The following GAL3ST1 variants were observed in gnomAD, a reference collection of about 807,000 sequenced individuals.
GAL3ST1 encodes galactosylceramide sulfotransferase.
Under a neutral mutation model 25.0 loss-of-function variants are expected in GAL3ST1, and 13 were observed. The ratio of observed to expected loss-of-function variants is 0.52; its 90% CI spans 0.34 to 0.83. The LOEUF (loss-of-function observed/expected upper bound fraction) is 0.83, where lower values mean the gene tolerates loss of function less well. Ranked by LOEUF, GAL3ST1 falls within the 40% of genes least tolerant of loss-of-function variation. The pLI, the probability that GAL3ST1 is intolerant of heterozygous loss-of-function variation, is 0.02. For synonymous variants in GAL3ST1, 274 were observed against 277.8 expected (o/e 0.99, Z 0.14); for missense variants, 474 against 613.6 (o/e 0.77, Z 2.40).
intron 1 of GAL3ST1, among the ~76,000 whole-genome samples, chr22:30,564,649 A>G (rs1269877938): frequency 1.3e-5 from 2 of 152,224 alleles, no homozygotes; most frequent in African/African-American, 4.8e-5. Context: ...GTTTAGCTGA[A>G]CTGATGCCCT....
chr22:30,572,972 GA>G (rs1194597277), intron 1 of GAL3ST1: 1 of 152,230 alleles, frequency 6.6e-6, no homozygotes, highest in Non-Finnish European at 1.5e-5. Flanking sequence ...CTTGCTGGGC[GA>G]CAAGAGGGCA....
In GAL3ST1 at chr22:30,555,793, G is replaced by C. The variant is rs1333017467; in HGVS notation, c.432C>G (p.Phe144Leu). 1.9e-6 allele frequency: 3 copies of C among 1,614,176 alleles called. No individual in the cohort carries two copies. The highest frequency in any genetic ancestry group is 2.7e-5 in the African/African-American group (2 of 75,064). The change falls in exon 4 of 4, where the codon TTC (phenylalanine) becomes TTG (leucine). Residue 144 changes from phenylalanine (F) to leucine (L), a missense_variant. Around this residue, in one of 2 missense-constraint regions of GAL3ST1, gnomAD observed 359 missense variants for 504.4 expected, o/e 0.71. Coordinates refer to ENST00000406361, the MANE Select transcript of GAL3ST1 (RefSeq NM_001318104.2). The surrounding 1 kb of genome is among the most constrained non-coding windows in gnomAD (Gnocchi z 8.6). ...CFNIICNHMRFHYDEVRGLVP... is the reference protein window; with the variant it reads ...CFNIICNHMRLHYDEVRGLVP... ...CCAGGCCGCGCACCTCGTCGTAGTG[G>C]AAGCGCATGTGGTTGCAGATGATGT...
chr22:30,571,713 A>T (rs1435713589), intron 1 of GAL3ST1, among the ~76,000 whole-genome samples: 1 of 152,132 alleles, frequency 6.6e-6, no homozygotes, highest in Admixed American at 6.5e-5. Flanking sequence ...ATTATAAAAA[A>T]ATTAGCCAGG....
Position 30,574,534 on chromosome 22 carries a change from G to T in GAL3ST1, c.-188C>A. 6.8e-6 allele frequency: 1 copy of T among 147,898 alleles called. No homozygotes were observed. The highest frequency in any genetic ancestry group is 2.0e-4 in the South Asian group (1 of 4,970). The allele number at this position is 147,898 out of a possible 1,614,324, so 9.2% of individuals were successfully genotyped here. ...GGGCCGCGCCGCCCGGGCGCTCACT[G>T]GGCGGCGGGGCGCACCCGGCCGGGC... On this transcript the variant is annotated 5_prime_UTR_variant, in exon 1 of 4. Coordinates refer to ENST00000406361, the MANE Select transcript of GAL3ST1 (RefSeq NM_001318104.2).
In GAL3ST1 at chr22:30,555,379, G is replaced by T. The variant is rs1372274790; in HGVS notation, c.846C>A (p.Arg282=). 1 of 1,608,412 alleles carries T rather than the reference G, an allele frequency of 6.2e-7. No homozygotes were observed. The highest frequency in any genetic ancestry group is 8.5e-7 in the Non-Finnish European group (1 of 1,179,782). ...DVLYFKLNAR[R]DSPVPRLSGE... is the part of the protein sequence containing the mutation. ...CCGAGAGCCGCGGCACGGGCGAGTC[G>T]CGGCGGGCGTTGAGCTTGAAGTAGA... Residue 282 remains arginine, a synonymous_variant, in exon 4 of 4, where the codon CGC becomes CGA. Transcript: ENST00000406361. This position sits in a 1 kb window ranked among gnomAD's most constrained non-coding sequence, Gnocchi z 8.6.
chr22:30,572,340 C>T (rs1601991309), intron 1 of GAL3ST1, among the ~76,000 whole-genome samples: 1 of 152,196 alleles, frequency 6.6e-6, no homozygotes, highest in Non-Finnish European at 1.5e-5. Flanking sequence ...TACATACACC[C>T]ACCTCTCCAT....
chr22:30,555,776 C>T lies in GAL3ST1; in HGVS notation c.449G>A (p.Arg150His), dbSNP rs1438236258. 2 of 1,614,118 alleles carry T rather than the reference C, an allele frequency of 1.2e-6. No individual in the cohort carries two copies. Among genetic ancestry groups the T allele is most frequent in the African/African-American group, 1.3e-5 (1 of 75,048 alleles). Residue 150 changes from arginine to histidine, a missense_variant, in exon 4 of 4, where the codon CGC (arginine) becomes CAC (histidine). Around this residue, in one of 2 missense-constraint regions of GAL3ST1, gnomAD observed 359 missense variants for 504.4 expected, o/e 0.71. Transcript: ENST00000406361. This position sits in a 1 kb window ranked among gnomAD's most constrained non-coding sequence, Gnocchi z 8.6. ...GATGGCGTTGGTCGGCACCAGGCCG[C>T]GCACCTCGTCGTAGTGGAAGCGCAT... ...NHMRFHYDEVRGLVPTNAIFI... is the reference protein window; with the variant it reads ...NHMRFHYDEVHGLVPTNAIFI...
In GAL3ST1 at chr22:30,557,293, C is replaced by T. The variant is rs55674628; in HGVS notation, c.100G>A (p.Val34Met). Residue 34 changes from valine to methionine, a missense_variant, in exon 3 of 4, where the codon GTG becomes ATG. Val to Met is a conservative substitution (Grantham distance 21, BLOSUM62 1). This residue lies in a region of GAL3ST1 where 115 missense variants were observed against 109.2 expected (regional missense o/e 1.05). Transcript: ENST00000406361. ...SFLLLVYSYA[V>M]PPLHAGLAST... is the part of the protein sequence containing the mutation. ...GCCAGGCCGGCATGCAGCGGGGGCA[C>T]GGCATAGGAGTACACCAGCAGCAGG... The T allele has an allele frequency of 0.021, 33,158 of 1,614,106 alleles. 510 individuals carry two copies. The highest frequency in any genetic ancestry group is 0.058 in the Middle Eastern group (349 of 6,062).
chr22:30,572,199 T>A (rs1412883056), intron 1 of GAL3ST1, among the ~76,000 whole-genome samples: 1 of 152,232 alleles, frequency 6.6e-6, no homozygotes, highest in African/African-American at 2.4e-5. Flanking sequence ...GTTGATAATA[T>A]CAGTCTCTGT....
chr22:30,565,760 C>T (rs2086601118), intron 1 of GAL3ST1, among the ~76,000 whole-genome samples: 1 of 152,122 alleles, frequency 6.6e-6, no homozygotes, highest in Admixed American at 6.5e-5. Context: ...CCCCAGGAAC[C>T]CTAGGACTCA....
chr22:30,555,379 G>A lies in GAL3ST1; in HGVS notation c.846C>T (p.Arg282=). The change falls in exon 4 of 4, where the codon CGC becomes CGT. Residue 282 remains arginine, a synonymous_variant. Transcript: ENST00000406361. This position sits in a 1 kb window ranked among gnomAD's most constrained non-coding sequence, Gnocchi z 8.6. ...DVLYFKLNAR[R]DSPVPRLSGE... is the part of the protein sequence containing the mutation. ...CCGAGAGCCGCGGCACGGGCGAGTC[G>A]CGGCGGGCGTTGAGCTTGAAGTAGA... The A allele has an allele frequency of 6.2e-7, 1 of 1,608,412 alleles. No homozygotes were observed.
intron 1 of GAL3ST1, among the ~76,000 whole-genome samples, chr22:30,559,281 G>A (rs919643997): frequency 4.6e-5 from 7 of 151,716 alleles, no homozygotes; most frequent in Non-Finnish European, 5.9e-5. Flanking sequence ...TCGCTCTGTC[G>A]CCAGGCTGGA....
chr22:30,559,358 A>G (rs1026683065), intron 1 of GAL3ST1, among the ~76,000 whole-genome samples: 1 of 151,858 alleles, frequency 6.6e-6, no homozygotes, highest in Non-Finnish European at 1.5e-5. Flanking sequence ...CTCCTGCCTC[A>G]GCCTCCCAAG....
intron 1 of GAL3ST1, among the ~76,000 whole-genome samples, chr22:30,568,366 A>G (rs2086685422): frequency 6.6e-6 from 1 of 152,190 alleles, no homozygotes; most frequent in Non-Finnish European, 1.5e-5. Flanking sequence ...GTCCTGGCCA[A>G]TGATATGTGA....
rs1318029716 is a variant in GAL3ST1 at position 30,555,561 on chromosome 22, G to C, written c.664C>G (p.Leu222Val). 1 of 1,613,514 alleles carries C rather than the reference G, an allele frequency of 6.2e-7. No homozygotes were observed. The highest frequency in any genetic ancestry group is 8.5e-7 in the Non-Finnish European group (1 of 1,180,042). The change falls in exon 4 of 4, where the codon CTG becomes GTG. Residue 222 changes from leucine to valine, a missense_variant. Physicochemically the swap from Leu to Val is conservative, Grantham distance 32. Around this residue, in one of 2 missense-constraint regions of GAL3ST1, gnomAD observed 359 missense variants for 504.4 expected, o/e 0.71. Coordinates refer to ENST00000406361, the MANE Select transcript of GAL3ST1 (RefSeq NM_001318104.2). The surrounding 1 kb of genome is among the most constrained non-coding windows in gnomAD (Gnocchi z 8.6). Reference sequence around the variant, plus strand: ...GGGTCCAGGCTGTTGTCATAGCCCAGGTCGAAGAAGAGCAGGTTTCGGAGG... The same window carrying C: ...GGGTCCAGGCTGTTGTCATAGCCCACGTCGAAGAAGAGCAGGTTTCGGAGG... ...HYLRNLLFFD[L>V]GYDNSLDPSS...
intron 1 of GAL3ST1, among the ~76,000 whole-genome samples, chr22:30,569,983 T>C (rs1036526085): frequency 6.6e-6 from 1 of 152,020 alleles, no homozygotes; most frequent in African/African-American, 2.4e-5. Flanking sequence ...CTCAGGAGGC[T>C]GAGGCAAGAG....
chr22:30,558,060 T>A (rs546172001), intron 2 of GAL3ST1, among the ~76,000 whole-genome samples: 2 of 151,900 alleles, frequency 1.3e-5, no homozygotes, highest in African/African-American at 4.8e-5. Context: ...ATTGCTGGGA[T>A]GACAGACGTG....
Position 30,557,421 on chromosome 22 carries a change from T to C in GAL3ST1, c.-9-20A>G. The C allele has an allele frequency of 6.2e-7, 1 of 1,613,362 alleles. No homozygotes were observed. The highest frequency in any genetic ancestry group is 8.5e-7 in the Non-Finnish European group (1 of 1,179,758). ...AGACACCTGCAGGGGCAGCACAGAG[T>C]AGGGCAAGTGTCAGGAAGCTGGCCC... On this transcript the variant is annotated intron_variant, in intron 2 of 3. Coordinates refer to ENST00000406361, the MANE Select transcript of GAL3ST1 (RefSeq NM_001318104.2).
chr22:30,570,750 C>T (rs1431247513), intron 1 of GAL3ST1, among the ~76,000 whole-genome samples: 1 of 150,960 alleles, frequency 6.6e-6, no homozygotes, highest in Non-Finnish European at 1.5e-5. Context: ...CGTGCCATTG[C>T]ACTCCAGCCT....
Sources: allele counts gnomAD v4.1 joint callset (sites outside exome capture counted in the v4.1 genomes callset), GRCh38; gene constraint gnomAD v4.1.1; regional missense constraint gnomAD v4.1.1; non-coding constraint Gnocchi (gnomAD v3.1); transcripts MANE v1.5; gene names NCBI Gene and HGNC (gene_info 2026-07-23, HGNC 2026-07-21).